FAAH2: variants seen among roughly 807,000 people sequenced by gnomAD.
FAAH2 encodes fatty-acid amide hydrolase 2.
A neutral mutation model predicts 36.9 loss-of-function variants in FAAH2; 60 were observed. The observed-to-expected ratio is 1.63, with a 90% CI of 1.32 to 2.02. The LOEUF is 2.02. Ranked by LOEUF, FAAH2 falls within the 30% of genes most tolerant of loss-of-function variation. FAAH2 has a pLI of 0.00. For missense variants in FAAH2, 689 were observed against 397.5 expected, an observed-to-expected ratio of 1.73 and a Z score of -6.23; for synonymous variants, 214 against 143.8, an observed-to-expected ratio of 1.49 and a Z score of -3.49.
the FAAH2 span, among the ~76,000 whole-genome samples, chrX:57,218,621 T>C: frequency 8.9e-6 from 1 of 111,815 alleles, no homozygotes; most frequent in Admixed American, 9.5e-5. Flanking sequence ...TTAAGGACTT[T>C]AGCATCTATG....
At chrX:57,477,970 G>A (rs1029896445) in intron 10 of FAAH2, among the ~76,000 whole-genome samples, 1 of 111,937 alleles carries the variant, frequency 8.9e-6, no homozygotes, top group Non-Finnish European at 1.9e-5. Flanking sequence ...TGTCTTTACA[G>A]CAGCATGATT....
intron 7 of FAAH2, among the ~76,000 whole-genome samples, chrX:57,421,606 A>G (rs752384385): frequency 3.4e-4 from 38 of 111,429 alleles, no homozygotes; most frequent in South Asian, 7.7e-4. Context: ...CCACAGTCCT[A>G]TCATATTAAA....
At chrX:57,417,855 A>T (rs2055886940) in intron 7 of FAAH2, among the ~76,000 whole-genome samples, 1 of 111,877 alleles carries the variant, frequency 8.9e-6, no homozygotes, top group African/African-American at 3.2e-5. Context: ...CAGGTTCTCT[A>T]TCTCAGGGAG....
the FAAH2 span, among the ~76,000 whole-genome samples, chrX:57,209,207 T>C: frequency 9.0e-6 from 1 of 111,601 alleles, no homozygotes; most frequent in South Asian, 3.8e-4. Context: ...CAAGACAAAA[T>C]TCCCTTTAAT....
chrX:57,414,084 T>A (rs1352614114), intron 7 of FAAH2, among the ~76,000 whole-genome samples: 1 of 112,447 alleles, frequency 8.9e-6, no homozygotes, highest in Admixed American at 9.4e-5. Context: ...TTGCTGAAGT[T>A]GCTTATAAGC....
At chrX:57,419,951 C>T (rs1225344350) in intron 7 of FAAH2, among the ~76,000 whole-genome samples, 3 of 111,951 alleles carry the variant, frequency 2.7e-5, no homozygotes, top group Non-Finnish European at 5.6e-5. Context: ...AGCCAGTTTT[C>T]CCAGCAGCAT....
intron 2 of FAAH2, among the ~76,000 whole-genome samples, chrX:57,301,194 A>G (rs867873526): frequency 9.1e-6 from 1 of 109,438 alleles, no homozygotes; most frequent in Non-Finnish European, 1.9e-5. Flanking sequence ...TCACAATAGC[A>G]AAGACTTGGA....
intron 7 of FAAH2, among the ~76,000 whole-genome samples, chrX:57,431,520 G>A (rs1047699263): frequency 4.5e-5 from 5 of 111,264 alleles, no homozygotes; most frequent in African/African-American, 1.6e-4. Context: ...ACTGTCCCCA[G>A]AGAAGCTAGA....
chrX:57,256,971 T>C, the FAAH2 span, among the ~76,000 whole-genome samples: 1 of 111,847 alleles, frequency 8.9e-6, no homozygotes, highest in African/African-American at 3.3e-5. Flanking sequence ...ATTAGAGAAA[T>C]GCAAATCAAA....
intron 10 of FAAH2, among the ~76,000 whole-genome samples, chrX:57,477,073 ATTTG>A (rs943254225): frequency 6.5e-5 from 7 of 108,504 alleles, no homozygotes; most frequent in African/African-American, 1.7e-4. Flanking sequence ...TATTATGTCT[ATTTG>A]TTTGTTCTCT....
the FAAH2 span, among the ~76,000 whole-genome samples, chrX:57,146,567 G>C: frequency 9.0e-6 from 1 of 111,699 alleles, no homozygotes; most frequent in African/African-American, 3.2e-5. Flanking sequence ...TCTTTGTCTT[G>C]TCTGATTGCT....
At chrX:57,393,141 G>A (rs2055207129) in intron 7 of FAAH2, 1 of 1,074,444 alleles carries the variant, frequency 9.3e-7, no homozygotes. Flanking sequence ...CAGCCGATGA[G>A]GTCCAGCTCA....
chrX:57,175,029 G>A, the FAAH2 span, among the ~76,000 whole-genome samples: 1 of 111,404 alleles, frequency 9.0e-6, no homozygotes, highest in Non-Finnish European at 1.9e-5. Context: ...TGTTATGTGT[G>A]GTGATAATGT....
intron 5 of FAAH2, among the ~76,000 whole-genome samples, chrX:57,349,654 G>T (rs1443155838): frequency 9.3e-6 from 1 of 107,013 alleles, no homozygotes; most frequent in African/African-American, 3.4e-5. Context: ...ATACAAAATA[G>T]AAGAAAAACA....
chrX:57,488,498 T>A (rs1306680407), intron 10 of FAAH2, among the ~76,000 whole-genome samples: 4 of 111,596 alleles, frequency 3.6e-5, no homozygotes, highest in Non-Finnish European at 7.5e-5. Context: ...AGCCAAGTGA[T>A]CTTGGATATG....
chrX:57,428,015 C>A (rs1431611661), intron 7 of FAAH2, among the ~76,000 whole-genome samples: 2 of 111,366 alleles, frequency 1.8e-5, no homozygotes, highest in African/African-American at 6.5e-5. Flanking sequence ...AAGACTCTAC[C>A]CCAAAGACTC....
At chrX:57,426,953 G>T (rs372865382) in intron 7 of FAAH2, among the ~76,000 whole-genome samples, 23 of 110,806 alleles carry the variant, frequency 2.1e-4, no homozygotes, top group African/African-American at 7.5e-4. Flanking sequence ...GCAATGAAAT[G>T]AAGTTTATTT....
At position 57,346,461 on chromosome X, in the gene FAAH2, T is replaced by A. The variant is rs747238400; in HGVS notation, c.742+5071T>A. Among the ~76,000 whole-genome samples the A allele has an allele frequency of 2.7e-5, 3 of 112,181 alleles. No individual in the cohort carries two copies. The East Asian group carries it at 8.4e-4, about 32-fold the overall frequency. ...CAACTCCTGCTTTTCTTGTTTGCTA[T>A]TTGCATGGTAAGTTTTTCTCCATCG... On this transcript the variant is annotated intron_variant, in intron 5 of 10. Coordinates refer to ENST00000374900, the MANE Select transcript of FAAH2 (RefSeq NM_174912.4).
At chrX:57,484,545 G>A (rs1232683904) in intron 10 of FAAH2, among the ~76,000 whole-genome samples, 1 of 112,035 alleles carries the variant, frequency 8.9e-6, no homozygotes, top group Non-Finnish European at 1.9e-5. Flanking sequence ...GTGTCTGAGA[G>A]CCAGGGAGAA....
Sources: gnomAD v4.1 joint callset for allele counts (sites outside exome capture counted in the v4.1 genomes callset) on GRCh38, gnomAD v4.1.1 for gene constraint, MANE v1.5 for transcripts, NCBI Gene and HGNC (gene_info 2026-07-23, HGNC 2026-07-21) for gene names.